The following ANKRD11 variants were observed in gnomAD, a reference collection of about 807,000 sequenced individuals.
ANKRD11 encodes the protein ankyrin repeat domain 11.
In ANKRD11, 17 loss-of-function variants were observed where a neutral mutation model predicts 195.7. The observed-to-expected ratio is 0.09, with a 90% CI of 0.06 to 0.13. The LOEUF is 0.13. Ranked by LOEUF, ANKRD11 falls within the 10% of genes least tolerant of loss-of-function variation. The pLI is 1.00. For missense variants in ANKRD11, 3,735 were observed against 3,566.1 expected, an observed-to-expected ratio of 1.05 and a Z score of -1.21; for synonymous variants, 1,953 against 1,528.1, an observed-to-expected ratio of 1.28 and a Z score of -6.49.
chr16:89,271,677 G>A (rs1381819681), intron 11 of ANKRD11: 1 of 153,006 alleles, frequency 6.5e-6, no homozygotes, highest in African/African-American at 2.4e-5. Flanking sequence ...ACGGTGCTGG[G>A]AAAACTGGCT....
chr16:89,405,042 T>G (rs540274133), intron 2 of ANKRD11, among the ~76,000 whole-genome samples: 2 of 152,176 alleles, frequency 1.3e-5, no homozygotes, highest in South Asian at 2.1e-4. Flanking sequence ...ACCAGAGCCA[T>G]GGCCCACAAC....
At chr16:89,423,545 G>T (rs1262524381) in intron 1 of ANKRD11, among the ~76,000 whole-genome samples, 1 of 152,246 alleles carries the variant, frequency 6.6e-6, no homozygotes, top group Non-Finnish European at 1.5e-5. Flanking sequence ...GAGAAGGCAT[G>T]AGATGTGTGG....
intron 4 of ANKRD11, among the ~76,000 whole-genome samples, chr16:89,302,990 C>G (rs1597539271): frequency 6.6e-6 from 1 of 152,166 alleles, no homozygotes; most frequent in African/African-American, 2.4e-5. Flanking sequence ...CATCAACAGA[C>G]AGACCCCGGA....
At chr16:89,385,683 T>C (rs2040876473) in intron 2 of ANKRD11, among the ~76,000 whole-genome samples, 1 of 152,262 alleles carries the variant, frequency 6.6e-6, no homozygotes, top group Admixed American at 6.5e-5. Context: ...ACGAATTCAC[T>C]TTAGGTACAG....
At chr16:89,362,725 T>C (rs753963147) in intron 2 of ANKRD11, among the ~76,000 whole-genome samples, 3 of 152,254 alleles carry the variant, frequency 2.0e-5, no homozygotes, top group Non-Finnish European at 1.5e-5. Flanking sequence ...TTAGCCTAAG[T>C]ATCTGCCCTG....
intron 2 of ANKRD11, among the ~76,000 whole-genome samples, chr16:89,411,028 A>C (rs951822535): frequency 6.6e-6 from 1 of 152,198 alleles, no homozygotes; most frequent in African/African-American, 2.4e-5. Context: ...TGGCCAGGGC[A>C]GGAGGCAGGA....
chr16:89,371,344 G>A (rs771510102), intron 2 of ANKRD11, among the ~76,000 whole-genome samples: 66 of 152,296 alleles, frequency 4.3e-4, no homozygotes, highest in African/African-American at 6.3e-4. Context: ...GACAAGCACC[G>A]CCAGTGTCCA....
Position 89,384,879 on chromosome 16 carries a change from C to CTTTTTTTTTTTTTTTTTTTTTTTT in ANKRD11, c.-60+33381_-60+33404dup, listed in dbSNP as rs869271846. ...GGAGCACACAATGAGAAATAGTTTT[C>CTTTTTTTTTTTTTTTTTTTTTTTT]TTTTTTTTTTTTTTTTTTTTTTTTT... On this transcript the variant is annotated intron_variant, in intron 2 of 12. Coordinates refer to ENST00000301030, the MANE Select transcript of ANKRD11 (RefSeq NM_013275.6). 1.2e-3 allele frequency among the ~76,000 whole-genome samples: 60 copies of CTTTTTTTTTTTTTTTTTTTTTTTT among 49,942 alleles called. 5 individuals carry two copies. Among genetic ancestry groups the CTTTTTTTTTTTTTTTTTTTTTTTT allele is most frequent in the East Asian group, 2.7e-3 (4 of 1,482 alleles). 32.8% of individuals were successfully genotyped at this position (49,942 alleles called of 152,430 possible).
chr16:89,408,191 G>A (rs1303162619), intron 2 of ANKRD11, among the ~76,000 whole-genome samples: 1 of 152,182 alleles, frequency 6.6e-6, no homozygotes, highest in African/African-American at 2.4e-5. Context: ...GATGCATACA[G>A]ATACTCGGCC....
chr16:89,368,179 T>C (rs74722699), intron 2 of ANKRD11, among the ~76,000 whole-genome samples: 4,433 of 151,898 alleles, frequency 0.029, 148 homozygotes, highest in African/African-American at 0.075. Context: ...ACATACTCTG[T>C]CCACTCTTAA....
chr16:89,345,722 T>C (rs181791249), intron 2 of ANKRD11, among the ~76,000 whole-genome samples: 29 of 152,302 alleles, frequency 1.9e-4, no homozygotes, highest in Admixed American at 9.1e-4. Context: ...GTTTAATCCA[T>C]GAACAAACAT....
Position 89,280,457 on chromosome 16 carries a change from C to G in ANKRD11, c.6085G>C (p.Val2029Leu). 1 of 1,591,340 alleles carries G rather than the reference C, an allele frequency of 6.3e-7. No individual in the cohort carries two copies. Among genetic ancestry groups the G allele is most frequent in the Non-Finnish European group, 8.6e-7 (1 of 1,167,410 alleles). ...PASPAPYALP[V>L]AEPGLEDVKD... The stretch of plus-strand genomic sequence containing the variant: ...ACGTCCTCCAGCCCCGGCTCAGCGA[C>G]GGGCAGAGCGTACGGGGCAGGAGAG... The change falls in exon 9 of 13, where the codon GTC becomes CTC. Residue 2029 changes from valine to leucine, a missense_variant. Transcript: ENST00000301030.
In ANKRD11 at chr16:89,274,806, G is replaced by A. The variant is rs200599560; in HGVS notation, c.7713+8C>T. On this transcript the variant is annotated splice_region_variant and intron_variant, in intron 11 of 12. Transcript: ENST00000301030. ...GACTCATGGGCCTGGCATGCAGACG[G>A]GCCCTACCTGGCTCTCCAGGGGCAT... 3.2e-4 allele frequency: 508 copies of A among 1,608,964 alleles called. 3 individuals are homozygous for A. The highest frequency in any genetic ancestry group is 3.5e-4 in the Admixed American group (21 of 60,002).
intron 4 of ANKRD11, among the ~76,000 whole-genome samples, chr16:89,295,800 C>T (rs2035381926): frequency 8.0e-6 from 1 of 125,744 alleles, no homozygotes; most frequent in Admixed American, 8.4e-5. Flanking sequence ...GTGACCTTCC[C>T]GAGGGGTGCT....
chr16:89,357,316 G>A (rs1041621633), intron 2 of ANKRD11, among the ~76,000 whole-genome samples: 18 of 152,132 alleles, frequency 1.2e-4, no homozygotes, highest in Admixed American at 6.5e-5. Flanking sequence ...TGCTCACCAC[G>A]TGTCCCGGGG....
chr16:89,474,829 A>C (rs1337292797), intron 1 of ANKRD11, among the ~76,000 whole-genome samples: 1 of 152,268 alleles, frequency 6.6e-6, no homozygotes, highest in Non-Finnish European at 1.5e-5. Context: ...AGAACACTGC[A>C]TAACATCCCA....
At chr16:89,314,514 C>T (rs552574917) in intron 3 of ANKRD11, among the ~76,000 whole-genome samples, 2 of 152,310 alleles carry the variant, frequency 1.3e-5, no homozygotes, top group Admixed American at 6.5e-5. Context: ...TGCGCCAACA[C>T]GACCTGCTCT....
intron 11 of ANKRD11, 56 bp from the exon 12 acceptor site, chr16:89,270,965 G>C (rs1306299633): frequency 6.4e-7 from 1 of 1,560,610 alleles, no homozygotes; most frequent in Non-Finnish European, 8.8e-7. Context: ...GCTACGGGAA[G>C]GCATGCCAGC....
chr16:89,327,003 G>A (rs530493759), intron 2 of ANKRD11, among the ~76,000 whole-genome samples: 51 of 151,900 alleles, frequency 3.4e-4, no homozygotes, highest in Non-Finnish European at 6.8e-4. Context: ...GGGGAATGCA[G>A]AGGGGGAATG....
Sources: allele counts gnomAD v4.1 joint callset (sites outside exome capture counted in the v4.1 genomes callset), GRCh38; gene constraint gnomAD v4.1.1; transcripts MANE v1.5; gene names NCBI Gene and HGNC (gene_info 2026-07-23, HGNC 2026-07-21).